CFDP1: variants seen among roughly 807,000 people sequenced by gnomAD.
The protein encoded by CFDP1 is heterochromatin-stabilizing protein CFDP1.
A neutral mutation model predicts 40.1 loss-of-function variants in CFDP1; 31 were observed. The observed-to-expected ratio is 0.77, with a 90% CI of 0.58 to 1.04. The LOEUF (loss-of-function observed/expected upper bound fraction) is 1.04. Ranked by LOEUF, CFDP1 falls within the 50% of genes least tolerant of loss-of-function variation. The pLI, the probability that CFDP1 is intolerant of heterozygous loss-of-function variation, is 0.00. For missense variants in CFDP1, 423 were observed against 343.4 expected (o/e 1.23, Z -1.83); for synonymous variants, 167 against 120.0 (o/e 1.39, Z -2.56).
chr16:75,303,712 G>A (rs546767143), intron 6 of CFDP1, among the ~76,000 whole-genome samples: 2 of 152,248 alleles, frequency 1.3e-5, no homozygotes, highest in South Asian at 4.1e-4. Flanking sequence ...TTATGTGACA[G>A]GTGTTCTGTA....
chr16:75,309,758 T>G, intron 5 of CFDP1, among the ~76,000 whole-genome samples: 1 of 130,988 alleles, frequency 7.6e-6, no homozygotes, highest in South Asian at 2.5e-4. Context: ...AGGCGGAGCT[T>G]GCAGTGAGCC....
intron 6 of CFDP1, among the ~76,000 whole-genome samples, chr16:75,300,307 G>C (rs975575371): frequency 3.3e-5 from 5 of 152,068 alleles, no homozygotes; most frequent in African/African-American, 7.2e-5. Flanking sequence ...CTTTTTTTGA[G>C]ACAGAGTTTC....
At chr16:75,347,343 C>CAAA (rs762900031) in intron 5 of CFDP1, among the ~76,000 whole-genome samples, 2 of 91,624 alleles carry the variant, frequency 2.2e-5, no homozygotes, top group Non-Finnish European at 2.1e-5. Context: ...GACTCCATCT[C>CAAA]AAAAAAAAAA....
At chr16:75,328,201 C>G (rs373301647) in intron 5 of CFDP1, among the ~76,000 whole-genome samples, 85 of 143,438 alleles carry the variant, frequency 5.9e-4, no homozygotes, top group Middle Eastern at 3.6e-3. Flanking sequence ...CCAGGCTGGT[C>G]TCAAACTCCT....
At chr16:75,335,920 A>C (rs537861211) in intron 5 of CFDP1, among the ~76,000 whole-genome samples, 1 of 152,334 alleles carries the variant, frequency 6.6e-6, no homozygotes, top group Admixed American at 6.5e-5. Context: ...AGAGTAAAAA[A>C]TACCAAGGAT....
intron 5 of CFDP1, among the ~76,000 whole-genome samples, chr16:75,344,876 G>T (rs143774978): frequency 1.1e-4 from 16 of 152,290 alleles, no homozygotes; most frequent in Non-Finnish European, 2.2e-4. Context: ...AGGTTGCAGT[G>T]AGCTGAGATC....
intron 5 of CFDP1, among the ~76,000 whole-genome samples, chr16:75,368,165 G>A (rs1384975342): frequency 6.6e-6 from 1 of 152,068 alleles, no homozygotes; most frequent in Non-Finnish European, 1.5e-5. Flanking sequence ...CTGACTCAAG[G>A]AAAGTAGCTA....
intron 5 of CFDP1, chr16:75,305,439 TG>T: frequency 2.4e-6 from 1 of 419,672 alleles, no homozygotes; most frequent in East Asian, 4.3e-5. Context: ...CAGACCTCTG[TG>T]GGCTCTGTGT....
intron 5 of CFDP1, among the ~76,000 whole-genome samples, chr16:75,312,624 G>A (rs902917191): frequency 1.3e-5 from 2 of 152,180 alleles, no homozygotes; most frequent in African/African-American, 4.8e-5. Context: ...AGTGATAGAA[G>A]TCCTGAATTC....
At chr16:75,363,114 G>A (rs1261216547) in intron 5 of CFDP1, 1 of 151,968 alleles carries the variant, frequency 6.6e-6, no homozygotes, top group African/African-American at 2.4e-5. Flanking sequence ...TTAGTACAAC[G>A]CTCTTTACTC....
intron 5 of CFDP1, 105 bp downstream of exon 5, chr16:75,394,985 T>C: frequency 7.4e-7 from 1 of 1,359,570 alleles, no homozygotes; most frequent in Non-Finnish European, 1.0e-6. Context: ...GCATCATAAT[T>C]CTCTCTCTCA....
chr16:75,331,638 A>AC (rs1315938257), intron 5 of CFDP1, among the ~76,000 whole-genome samples: 1 of 151,868 alleles, frequency 6.6e-6, no homozygotes, highest in Non-Finnish European at 1.5e-5. Flanking sequence ...ATAATACGTT[A>AC]TTTTTTTCTT....
At chr16:75,363,406 T>A (rs1445801742) in intron 5 of CFDP1, among the ~76,000 whole-genome samples, 1 of 151,722 alleles carries the variant, frequency 6.6e-6, no homozygotes, top group African/African-American at 2.4e-5. Flanking sequence ...TTTTTTTTTT[T>A]TTTCCATGAG....
chr16:75,360,431 A>G (rs920750317), intron 5 of CFDP1, among the ~76,000 whole-genome samples: 1 of 152,246 alleles, frequency 6.6e-6, no homozygotes, highest in Non-Finnish European at 1.5e-5. Context: ...GAAAATAACT[A>G]TGGTTAACTG....
At chr16:75,386,039 T>G (rs917983945) in intron 5 of CFDP1, among the ~76,000 whole-genome samples, 26 of 152,158 alleles carry the variant, frequency 1.7e-4, no homozygotes, top group Non-Finnish European at 3.5e-4. Context: ...AAATAAAGTT[T>G]TAAAAGTCTG....
chr16:75,427,156 G>A (rs2079351463), intron 1 of CFDP1, among the ~76,000 whole-genome samples: 2 of 151,572 alleles, frequency 1.3e-5, no homozygotes, highest in Non-Finnish European at 2.9e-5. Flanking sequence ...GAATTCAAAA[G>A]ACACACCAAA....
chr16:75,372,139 G>A (rs1296812719), intron 5 of CFDP1: 2 of 152,090 alleles, frequency 1.3e-5, no homozygotes, highest in African/African-American at 2.4e-5. Flanking sequence ...TCTAAAAAAG[G>A]AGCCAGCAAT....
intron 4 of CFDP1, among the ~76,000 whole-genome samples, chr16:75,403,026 A>T (rs1298732016): frequency 1.3e-5 from 2 of 152,110 alleles, no homozygotes; most frequent in Non-Finnish European, 2.9e-5. Context: ...TTCCATACTC[A>T]TTTCTTTGTT....
intron 5 of CFDP1, among the ~76,000 whole-genome samples, chr16:75,319,045 T>A (rs924740313): frequency 5.3e-5 from 8 of 152,056 alleles, no homozygotes; most frequent in African/African-American, 1.9e-4. Context: ...ATACCAAACT[T>A]ACTTTATTTA....
Sources: gnomAD v4.1 joint callset for allele counts (sites outside exome capture counted in the v4.1 genomes callset) on GRCh38, gnomAD v4.1.1 for gene constraint, MANE v1.5 for transcripts, NCBI Gene and HGNC (gene_info 2026-07-23, HGNC 2026-07-21) for gene names.